Variants in NLGN1 observed in about 807,000 individuals in gnomAD.
NLGN1 encodes neuroligin 1, also known as neuroligin-1.
NLGN1 carries 12 observed loss-of-function variants against 65.5 expected under a neutral mutation model. The observed-to-expected ratio is 0.18, with a 90% CI of 0.12 to 0.30. NLGN1 has a LOEUF of 0.30. NLGN1 is among the 10% of genes least tolerant of loss of function. NLGN1 has a pLI of 1.00. For synonymous variants in NLGN1, 350 were observed against 359.5 expected (o/e 0.97, Z 0.30); for missense variants, 750 against 1,007.1 (o/e 0.74, Z 3.46).
At chr3:173,409,716 A>C (rs541651) in intron 1 of NLGN1, among the ~76,000 whole-genome samples, 37,908 of 152,088 alleles carry the variant, frequency 0.25, 5,307 homozygotes, top group Middle Eastern at 0.36. Context: ...CTAAATGCAA[A>C]TATCAGCAAC....
At chr3:174,198,844 C>CTTTTTTTTTTTTTTTTTTTTTTTTTTTT (rs56752477) in intron 4 of NLGN1, among the ~76,000 whole-genome samples, 2 of 99,862 alleles carry the variant, frequency 2.0e-5, no homozygotes, top group Non-Finnish European at 1.9e-5. Context: ...TGACTAGATT[C>CTTTTTTTTTTTTTTTTTTTTTTTTTTTT]TTTTTTTTTT....
chr3:173,856,810 A>T (rs1728067672), intron 4 of NLGN1, among the ~76,000 whole-genome samples: 1 of 152,144 alleles, frequency 6.6e-6, no homozygotes, highest in Admixed American at 6.6e-5. Flanking sequence ...ATATTATCAT[A>T]AAGCCAGAAG....
At chr3:173,463,679 C>T (rs1013731129) in intron 2 of NLGN1, among the ~76,000 whole-genome samples, 1 of 152,086 alleles carries the variant, frequency 6.6e-6, no homozygotes, top group Non-Finnish European at 1.5e-5. Context: ...ATCCTTTCAA[C>T]TATGTATTTG....
At chr3:173,678,874 C>G (rs74791495) in intron 3 of NLGN1, among the ~76,000 whole-genome samples, 4,299 of 152,022 alleles carry the variant, frequency 0.028, 90 homozygotes, top group Middle Eastern at 0.044. Flanking sequence ...AAAAGATGGA[C>G]CTATTTTATA....
chr3:173,570,547 G>A (rs1364449518), intron 2 of NLGN1, among the ~76,000 whole-genome samples: 1 of 152,134 alleles, frequency 6.6e-6, no homozygotes, highest in Non-Finnish European at 1.5e-5. Flanking sequence ...TTCCTTCTTT[G>A]TAAAAGGAGC....
At chr3:173,462,912 C>A (rs1723646668) in intron 2 of NLGN1, among the ~76,000 whole-genome samples, 1 of 152,130 alleles carries the variant, frequency 6.6e-6, no homozygotes, top group African/African-American at 2.4e-5. Context: ...CTTTCTAGTT[C>A]TTCTCTTCAA....
intron 3 of NLGN1, among the ~76,000 whole-genome samples, chr3:173,744,912 T>A (rs2150123853): frequency 6.6e-6 from 1 of 152,148 alleles, no homozygotes; most frequent in Non-Finnish European, 1.5e-5. Flanking sequence ...AACAGCAGAA[T>A]CACACTGATC....
chr3:173,965,286 C>CT (rs1714582509), intron 4 of NLGN1, among the ~76,000 whole-genome samples: 1 of 151,750 alleles, frequency 6.6e-6, no homozygotes, highest in African/African-American at 2.4e-5. Context: ...TTTTGTTTTC[C>CT]TTTTTTTCCC....
intron 4 of NLGN1, among the ~76,000 whole-genome samples, chr3:174,051,971 A>G (rs1250271569): frequency 1.4e-5 from 2 of 145,742 alleles, no homozygotes; most frequent in Non-Finnish European, 3.0e-5. Flanking sequence ...TCTAGTACCA[A>G]TAAAGAACCC....
intron 3 of NLGN1, among the ~76,000 whole-genome samples, chr3:173,620,235 C>T (rs577605708): frequency 5.3e-5 from 8 of 152,102 alleles, no homozygotes; most frequent in African/African-American, 1.9e-4. Context: ...GAAGGCCTTA[C>T]CCAAGGCAAT....
intron 4 of NLGN1, among the ~76,000 whole-genome samples, chr3:174,261,002 C>T (rs898115537): frequency 8.2e-4 from 124 of 151,930 alleles, no homozygotes; most frequent in Non-Finnish European, 1.7e-3. Flanking sequence ...TGTAGATATG[C>T]GGTGTTATTT....
intron 4 of NLGN1, among the ~76,000 whole-genome samples, chr3:173,967,159 AGCT>A (rs1461211708): frequency 5.3e-5 from 8 of 152,204 alleles, no homozygotes; most frequent in African/African-American, 1.9e-4. Context: ...GTGGCGAAGC[AGCT>A]GACAGACTAG....
At chr3:174,080,053 T>C (rs990286742) in intron 4 of NLGN1, among the ~76,000 whole-genome samples, 5 of 151,992 alleles carry the variant, frequency 3.3e-5, no homozygotes, top group African/African-American at 1.2e-4. Flanking sequence ...TAAAAAATAT[T>C]AAAAGATAAA....
chr3:173,492,366 A>G (rs1729320866), intron 2 of NLGN1, among the ~76,000 whole-genome samples: 1 of 151,772 alleles, frequency 6.6e-6, no homozygotes, highest in African/African-American at 2.4e-5. Context: ...ACCTTCTTAG[A>G]TATATTGCTT....
intron 4 of NLGN1, among the ~76,000 whole-genome samples, chr3:173,883,016 G>T (rs1446215260): frequency 6.9e-6 from 1 of 144,780 alleles, no homozygotes; most frequent in Non-Finnish European, 1.5e-5. Context: ...ACTGATATTT[G>T]TGTGCTTACT....
At chr3:173,443,941 G>A (rs1044960453) in intron 2 of NLGN1, among the ~76,000 whole-genome samples, 8 of 152,056 alleles carry the variant, frequency 5.3e-5, no homozygotes, top group African/African-American at 1.9e-4. Flanking sequence ...ATGCATTCTT[G>A]GATAATAACC....
chr3:174,281,387 T>G (rs2152895893), exon 7 of NLGN1: 1 of 833,246 alleles, frequency 1.2e-6, no homozygotes, highest in Non-Finnish European at 1.9e-6. Flanking sequence ...CCTACAAGAC[T>G]TACTATTTAA....
chr3:173,729,683 A>G (rs1355904722), intron 3 of NLGN1, among the ~76,000 whole-genome samples: 1 of 152,104 alleles, frequency 6.6e-6, no homozygotes, highest in African/African-American at 2.4e-5. Flanking sequence ...TTTACGGAGA[A>G]ATATTGACAG....
intron 1 of NLGN1, among the ~76,000 whole-genome samples, chr3:173,415,941 A>C (rs62290044): frequency 0.08 from 11,022 of 137,508 alleles, 576 homozygotes; most frequent in Admixed American, 0.12. Context: ...AGAGAGAGAG[A>C]GAGCTTGGTA....
Sources: gnomAD v4.1 joint callset for allele counts (sites outside exome capture counted in the v4.1 genomes callset) on GRCh38, gnomAD v4.1.1 for gene constraint, MANE v1.5 for transcripts, NCBI Gene and HGNC (gene_info 2026-07-23, HGNC 2026-07-21) for gene names.